The following CAMK1G variants were observed in gnomAD, a reference collection of about 807,000 sequenced individuals.
CAMK1G encodes the protein calcium/calmodulin dependent protein kinase IG, also known as calcium/calmodulin-dependent protein kinase type 1G.
Under a neutral mutation model 54.8 loss-of-function variants are expected in CAMK1G, and 27 were observed. The observed-to-expected ratio is 0.49, with a 90% CI of 0.36 to 0.68. The LOEUF is 0.68. Among genes scored for constraint, CAMK1G ranks in the 30% least tolerant of loss-of-function variants. The pLI is 0.00. For missense variants in CAMK1G, 512 were observed against 591.0 expected (o/e 0.87, Z 1.39); for synonymous variants, 238 against 224.9 (o/e 1.06, Z -0.52).
chr1:209,605,804 A>G, intron 5 of CAMK1G, 130 bp downstream of exon 5: 1 of 869,444 alleles, frequency 1.2e-6, no homozygotes, highest in South Asian at 2.1e-5. Flanking sequence ...TTCTGCCCTT[A>G]GATTCCTTAA....
chr1:209,612,838 G>A lies in CAMK1G; in HGVS notation c.1394G>A (p.Cys465Tyr), dbSNP rs1323866847. The A allele has an allele frequency of 1.9e-6, 3 of 1,613,794 alleles. No individual in the cohort carries two copies. Among genetic ancestry groups the A allele is most frequent in the Non-Finnish European group, 2.5e-6 (3 of 1,179,848 alleles). The change falls in exon 12 of 13, where the codon TGC (cysteine) becomes TAC (tyrosine). Residue 465 changes from cysteine (C) to tyrosine (Y), a missense_variant. Cys to Tyr is a radical substitution (Grantham distance 194). This residue lies in a region of CAMK1G where 315 missense variants were observed against 330.5 expected (regional missense o/e 0.95). Transcript: ENST00000361322. ...VPVKASGSSH[C>Y]RAGQTGVCLI... ...GTTAAAGCCAGTGGCAGCTCCCACT[G>A]CCGGGCAGGGCAGACTGGAGTCTGT...
Position 209,611,834 on chromosome 1 carries a change from C to T in CAMK1G, c.958C>T (p.Leu320=), listed in dbSNP as rs1357448761. 1 of 1,614,200 alleles carries T rather than the reference C, an allele frequency of 6.2e-7. No individual in the cohort carries two copies. The highest frequency in any genetic ancestry group is 8.5e-7 in the Non-Finnish European group (1 of 1,180,046). Residue 320 remains leucine, a synonymous_variant, in exon 11 of 13, where the codon CTA becomes TTA. Coordinates refer to ENST00000361322, the MANE Select transcript of CAMK1G (RefSeq NM_020439.3). ...AGCTGTGGTGCACCACATGAGGAAGCTACACATGAACCTGCACAGCCCGGG... is the reference window on the plus strand; with the variant it reads ...AGCTGTGGTGCACCACATGAGGAAGTTACACATGAACCTGCACAGCCCGGG... ...AAAVVHHMRK[L]HMNLHSPGVR...
At position 209,608,991 on chromosome 1, in the gene CAMK1G, AC is replaced by A; in HGVS notation, c.653del (p.Pro218HisfsTer55). 6.2e-7 allele frequency: 1 copy of A among 1,613,812 alleles called. No individual in the cohort carries two copies. Among genetic ancestry groups the A allele is most frequent in the East Asian group, 2.2e-5 (1 of 44,878 alleles). Reference protein sequence around the residue: ...GVITYILLCGYPPFYEETESK... With the variant: ...GVITYILLCGXPPFYEETESK... ...CTGTCCTGCTGCAGGCTCTGTGGAT[AC>A]CCCCCATTCTATGAAGAAACGGAGT... On this transcript the variant is annotated frameshift_variant, in exon 8 of 13. Transcript: ENST00000361322. LOFTEE classifies it high-confidence loss of function.
chr1:209,603,626 C>G (rs1249459219), intron 4 of CAMK1G, among the ~76,000 whole-genome samples: 2 of 152,180 alleles, frequency 1.3e-5, no homozygotes, highest in Non-Finnish European at 2.9e-5. Context: ...TCGCCCCTTG[C>G]AACCAAACGA....
chr1:209,611,443 G>A (rs2102397021), intron 9 of CAMK1G, 22 bp from the exon 10 acceptor site: 2 of 1,613,180 alleles, frequency 1.2e-6, no homozygotes, highest in Non-Finnish European at 1.7e-6. Context: ...CAGTAGCCAG[G>A]TGTCCCCTCT....
intron 2 of CAMK1G, among the ~76,000 whole-genome samples, chr1:209,596,278 G>A (rs1340805603): frequency 6.6e-6 from 1 of 152,246 alleles, no homozygotes; most frequent in East Asian, 1.9e-4. Context: ...GGAGTGACCA[G>A]AGAGGGGGTT....
intron 2 of CAMK1G, among the ~76,000 whole-genome samples, chr1:209,599,781 C>T (rs1665481845): frequency 6.6e-6 from 1 of 152,200 alleles, no homozygotes; most frequent in Non-Finnish European, 1.5e-5. Context: ...ATGACATTGG[C>T]ATTTTGGAAG....
intron 11 of CAMK1G, 55 bp from the exon 12 acceptor site, chr1:209,612,730 A>G: frequency 2.8e-5 from 42 of 1,477,140 alleles, no homozygotes; most frequent in Non-Finnish European, 4.0e-5. Context: ...GCCCTGCCCC[A>G]TCGACTCTTC....
intron 6 of CAMK1G, 30 bp downstream of exon 6, chr1:209,606,473 C>T (rs769577489): frequency 6.2e-7 from 1 of 1,608,716 alleles, no homozygotes; most frequent in Middle Eastern, 1.7e-4. Context: ...GAAGGTTGAC[C>T]AGTTGGCTAC....
chr1:209,607,273 C>T (rs1378599764), intron 6 of CAMK1G, among the ~76,000 whole-genome samples: 1 of 152,222 alleles, frequency 6.6e-6, no homozygotes, highest in Non-Finnish European at 1.5e-5. Context: ...CACAGGGCTC[C>T]TAATCAGAGG....
chr1:209,612,190 A>C lies in CAMK1G; in HGVS notation c.1314A>C (p.Thr438=). ...KGKSSYCSEP[T]LLKKANKKQN... is the part of the protein sequence containing the mutation. Reference sequence around the variant, plus strand: ...AGTCCTCCTACTGCTCTGAGCCCACACTCCTCAAAAAGGCCAACAAAAAAC... The same window carrying C: ...AGTCCTCCTACTGCTCTGAGCCCACCCTCCTCAAAAAGGCCAACAAAAAAC... Residue 438 remains threonine, a synonymous_variant, in exon 11 of 13, where the codon ACA becomes ACC. Transcript: ENST00000361322. 1 of 1,613,802 alleles carries C rather than the reference A, an allele frequency of 6.2e-7. No individual in the cohort carries two copies. The highest frequency in any genetic ancestry group is 8.5e-7 in the Non-Finnish European group (1 of 1,179,920).
rs765752817 is a variant in CAMK1G at position 209,609,086 on chromosome 1, G to A, written c.742G>A (p.Glu248Lys). Reference protein sequence around the residue: ...FESPFWDDISESAKDFICHLL... With the variant: ...FESPFWDDISKSAKDFICHLL... Reference sequence around the variant, plus strand: ...GTCTCCATTCTGGGATGACATTTCTGAGTCAGGTAAGGCCAGTAGGCATGA... The same window carrying A: ...GTCTCCATTCTGGGATGACATTTCTAAGTCAGGTAAGGCCAGTAGGCATGA... The change falls in exon 8 of 13, where the codon GAG becomes AAG. Residue 248 changes from glutamate to lysine, a missense_variant. Coordinates refer to ENST00000361322, the MANE Select transcript of CAMK1G (RefSeq NM_020439.3). The A allele has an allele frequency of 8.7e-6, 14 of 1,614,162 alleles. No homozygotes were observed. In the South Asian group the frequency reaches 1.3e-4, roughly 15 times the overall value.
intron 4 of CAMK1G, among the ~76,000 whole-genome samples, chr1:209,604,964 G>A (rs190999003): frequency 2.0e-4 from 30 of 152,290 alleles, no homozygotes; most frequent in Admixed American, 5.9e-4. Context: ...TGGTATTCAT[G>A]AGATAGAAGT....
At position 209,613,180 on chromosome 1, in the gene CAMK1G, T is replaced by A. The variant is rs1202193360; in HGVS notation, c.*178T>A. ...CTGCTGCCAGCGGGGCAGCCCCTCA[T>A]AGGAGGCCCAGGAGGGAGCCCCAAG... On this transcript the variant is annotated 3_prime_UTR_variant, in exon 13 of 13. Transcript: ENST00000361322. 3 of 321,944 alleles carry A rather than the reference T, an allele frequency of 9.3e-6. No individual in the cohort carries two copies. Among genetic ancestry groups the A allele is most frequent in the Non-Finnish European group, 1.8e-5 (3 of 165,286 alleles). The allele number at this position is 321,944 out of a possible 1,614,324, so 19.9% of individuals were successfully genotyped here. A position where few individuals can be genotyped will look rare whatever the true frequency, so the allele number is the denominator to read the frequency against.
chr1:209,602,895 C>G (rs1665563535), intron 3 of CAMK1G, among the ~76,000 whole-genome samples: 1 of 152,094 alleles, frequency 6.6e-6, no homozygotes, highest in South Asian at 2.1e-4. Flanking sequence ...TTGGGTACTC[C>G]CTTAGCCTTC....
rs779074787 is a variant in CAMK1G, at chr1:209,600,126, G to C, written c.221+15G>C. ...GTGTTGAAAAAGTGAGTGGGTCTTA[G>C]TGTTGACTGGATCACTATGGGATCA... On this transcript the variant is annotated intron_variant, in intron 3 of 12. Coordinates refer to ENST00000361322, the MANE Select transcript of CAMK1G (RefSeq NM_020439.3). The C allele has an allele frequency of 1.2e-6, 2 of 1,611,868 alleles. No homozygotes were observed. Among genetic ancestry groups the C allele is most frequent in the Non-Finnish European group, 1.7e-6 (2 of 1,179,320 alleles).
At chr1:209,603,370 A>G (rs1044578221) in intron 4 of CAMK1G, 82 bp downstream of exon 4, 5 of 1,025,816 alleles carry the variant, frequency 4.9e-6, no homozygotes, top group Non-Finnish European at 7.5e-6. Context: ...CTGGTGAGGG[A>G]TGGACAGCAA....
rs752401839 is a variant in CAMK1G at position 209,611,967 on chromosome 1, G to A, written c.1091G>A (p.Ser364Asn). ...TITEAPVLDH[S>N]VALPALTQLP... ...ACCGAGGCACCTGTCCTGGACCACA[G>A]TGTAGCACTCCCTGCCCTGACCCAA... The change falls in exon 11 of 13, where the codon AGT becomes AAT. Residue 364 changes from serine (S) to asparagine (N), a missense_variant. Physicochemically the swap from Ser to Asn is conservative, Grantham distance 46 (BLOSUM62 1). Around this residue, in one of 3 missense-constraint regions of CAMK1G, gnomAD observed 315 missense variants for 330.5 expected, o/e 0.95. Transcript: ENST00000361322. 4 of 1,614,256 alleles carry A rather than the reference G, an allele frequency of 2.5e-6. No homozygotes were observed. The highest frequency in any genetic ancestry group is 3.4e-6 in the Non-Finnish European group (4 of 1,180,046).
intron 9 of CAMK1G, among the ~76,000 whole-genome samples, chr1:209,611,035 G>C (rs920307875): frequency 2.6e-5 from 4 of 152,078 alleles, no homozygotes; most frequent in Admixed American, 1.3e-4. Context: ...GTGATGCTGG[G>C]TCCAATAAAC....
Sources: gnomAD v4.1 joint callset for allele counts (sites outside exome capture counted in the v4.1 genomes callset) on GRCh38, gnomAD v4.1.1 for gene constraint, gnomAD v4.1.1 regional missense constraint, MANE v1.5 for transcripts, NCBI Gene and HGNC (gene_info 2026-07-23, HGNC 2026-07-21) for gene names.